The following C16orf46 variants were observed in gnomAD, a reference collection of about 807,000 sequenced individuals.
The protein encoded by C16orf46 is uncharacterized protein C16orf46.
A neutral mutation model predicts 5.5 loss-of-function variants in C16orf46; 7 were observed. The observed-to-expected ratio is 1.28, with a 90% CI of 0.73 to 2.40. The LOEUF is 2.40. C16orf46 is among the 30% of genes most tolerant of loss of function. The pLI is 0.00. For synonymous variants in C16orf46, 200 were observed against 184.1 expected (o/e 1.09, Z -0.70); for missense variants, 614 against 476.0 (o/e 1.29, Z -2.70).
At chr16:81,068,554 T>C (rs1164128057) in intron 1 of C16orf46, among the ~76,000 whole-genome samples, 1 of 128,938 alleles carries the variant, frequency 7.8e-6, no homozygotes, top group African/African-American at 2.8e-5. Flanking sequence ...AGGGCCTTTG[T>C]ATTTCTTTGT....
chr16:81,060,732 T>C (rs1354143561), downstream of C16orf46: 1 of 173,008 alleles, frequency 5.8e-6, no homozygotes, highest in African/African-American at 2.4e-5. Context: ...CCAGTATACT[T>C]AGTTTGAGGC....
downstream of C16orf46, among the ~76,000 whole-genome samples, chr16:81,056,751 G>A (rs1213767552): frequency 6.8e-6 from 1 of 146,360 alleles, no homozygotes; most frequent in Non-Finnish European, 1.5e-5. Flanking sequence ...CTTCTTTCTA[G>A]AAAGGACCTA....
Position 81,061,825 on chromosome 16 carries a change from C to CTAAT in C16orf46, c.523_524insATTA (p.Trp175TyrfsTer2). The CTAAT allele has an allele frequency of 6.2e-7, 1 of 1,613,888 alleles. No homozygotes were observed. The highest frequency in any genetic ancestry group is 2.2e-5 in the East Asian group (1 of 44,882). On this transcript the variant is annotated stop_gained and frameshift_variant, in exon 4 of 4. Coordinates refer to ENST00000299578, the MANE Select transcript of C16orf46 (RefSeq NM_152337.3). LOFTEE classifies it low-confidence loss of function (END_TRUNC). ...GCCCCTATTAGTGCCGGGGATGGCC[C>CTAAT]AGTCTTTGTTGCACCAAATAAACTC...
At chr16:81,072,445 G>A (rs1971888044) in intron 1 of C16orf46, among the ~76,000 whole-genome samples, 1 of 151,948 alleles carries the variant, frequency 6.6e-6, no homozygotes, top group East Asian at 1.9e-4. Context: ...GAGTGCAATG[G>A]TGCGATCTTA....
Position 81,061,613 on chromosome 16 carries a change from C to A in C16orf46, c.736G>T (p.Asp246Tyr). Reference sequence around the variant, plus strand: ...CCATATGCATAAGCCACACACCCATCCTTTTCCACATCCAGCACCTTCTCT... The same window carrying A: ...CCATATGCATAAGCCACACACCCATACTTTTCCACATCCAGCACCTTCTCT... ...SEEKVLDVEK[D>Y]GCVAYAYGLK... The change falls in exon 4 of 4, where the codon GAT becomes TAT. Residue 246 changes from aspartate (D) to tyrosine (Y), a missense_variant. Coordinates refer to ENST00000299578, the MANE Select transcript of C16orf46 (RefSeq NM_152337.3). 1 of 1,614,210 alleles carries A rather than the reference C, an allele frequency of 6.2e-7. No individual in the cohort carries two copies. Among genetic ancestry groups the A allele is most frequent in the South Asian group, 1.1e-5 (1 of 91,086 alleles).
Position 81,062,119 on chromosome 16 carries a change from G to A in C16orf46, c.230C>T (p.Thr77Ile). 6.3e-7 allele frequency: 1 copy of A among 1,594,866 alleles called. No individual in the cohort carries two copies. Among genetic ancestry groups the A allele is most frequent in the Non-Finnish European group, 8.5e-7 (1 of 1,175,358 alleles). ...WEEAVQGWGR[T>I]SPAACIWPRK... is the part of the protein sequence containing the mutation. ...CGGCCAGATGCAGGCAGCTGGAGAA[G>A]TCCTTCCCCACCCTTGGACCTGCAA... Residue 77 changes from threonine (T) to isoleucine (I), a missense_variant, in exon 4 of 4, where the codon ACT (threonine) becomes ATT (isoleucine). Coordinates refer to ENST00000299578, the MANE Select transcript of C16orf46 (RefSeq NM_152337.3).
chr16:81,075,938 G>A (rs999091758), intron 1 of C16orf46, among the ~76,000 whole-genome samples: 6 of 152,050 alleles, frequency 3.9e-5, no homozygotes, highest in Non-Finnish European at 1.5e-5. Flanking sequence ...TTATCACCTT[G>A]CCTCAACTTC....
At position 81,061,058 on chromosome 16, in the gene C16orf46, GAGAA is replaced by G. The variant is rs1971445990; in HGVS notation, c.*99_*102del. The stretch of plus-strand genomic sequence containing the variant: ...AGTAAAGACAGACTGACGGGGAGGA[GAGAA>G]AGAGAGAGTGGGGGGTGGGTGGGAA... On this transcript the variant is annotated 3_prime_UTR_variant, in exon 4 of 4. Transcript: ENST00000299578. 1.7e-6 allele frequency: 2 copies of G among 1,209,396 alleles called. No individual in the cohort carries two copies. Among genetic ancestry groups the G allele is most frequent in the African/African-American group, 1.5e-5 (1 of 65,836 alleles). The allele number at this position is 1,209,396 out of a possible 1,614,324, so 74.9% of individuals were successfully genotyped here.
chr16:81,063,563 C>A (rs1416908014), intron 3 of C16orf46, among the ~76,000 whole-genome samples, 183 bp downstream of exon 3: 1 of 152,174 alleles, frequency 6.6e-6, no homozygotes, highest in South Asian at 2.1e-4. Context: ...TACTAAGTGG[C>A]CATAAATACC....
At chr16:81,056,425 G>A (rs1971296376), downstream of C16orf46, 1 of 152,098 alleles carries the variant, frequency 6.6e-6, no homozygotes, top group Admixed American at 6.5e-5. Flanking sequence ...GCAGGGTGCG[G>A]TGGCTCACAC....
intron 1 of C16orf46, chr16:81,071,908 G>C (rs1971869211): frequency 6.6e-6 from 1 of 152,210 alleles, no homozygotes; most frequent in Admixed American, 6.5e-5. Context: ...CTACTTTGCA[G>C]CCTCTGTTGC....
intron 3 of C16orf46, among the ~76,000 whole-genome samples, chr16:81,054,599 C>T (rs1201737492): frequency 6.6e-6 from 1 of 151,760 alleles, no homozygotes; most frequent in Admixed American, 6.6e-5. Context: ...TCTTGGCGTC[C>T]CAAAGTGCTG....
chr16:81,059,827 C>T (rs374430532), downstream of C16orf46, among the ~76,000 whole-genome samples: 32 of 150,182 alleles, frequency 2.1e-4, 2 homozygotes, highest in East Asian at 4.9e-3. Context: ...CTCACTCTGT[C>T]GCCCAGGCTG....
chr16:81,064,593 C>T (rs917126130), intron 2 of C16orf46, among the ~76,000 whole-genome samples: 2 of 151,712 alleles, frequency 1.3e-5, no homozygotes, highest in African/African-American at 4.8e-5. Flanking sequence ...ACCAAAAATA[C>T]AAAATTAGCT....
chr16:81,053,929 C>T (rs1003599165), exon 4 of C16orf46: 5 of 847,980 alleles, frequency 5.9e-6, no homozygotes, highest in Middle Eastern at 4.5e-4. Flanking sequence ...GTGGCGTCTT[C>T]TTACTGCTTC....
Position 81,061,952 on chromosome 16 carries a change from T to A in C16orf46, c.397A>T (p.Thr133Ser). Residue 133 changes from threonine (T) to serine (S), a missense_variant, in exon 4 of 4, where the codon ACT becomes TCT. Transcript: ENST00000299578. ...PEKDQSSPSQ[T>S]QAAPQGPSTA... Reference sequence around the variant, plus strand: ...CTGGGGCCCTGGGGGGCTGCCTGAGTCTGGGAGGGGCTGCTCTGATCCTTC... The same window carrying A: ...CTGGGGCCCTGGGGGGCTGCCTGAGACTGGGAGGGGCTGCTCTGATCCTTC... The A allele has an allele frequency of 6.2e-7, 1 of 1,614,098 alleles. No homozygotes were observed. The highest frequency in any genetic ancestry group is 8.5e-7 in the Non-Finnish European group (1 of 1,180,010).
intron 1 of C16orf46, among the ~76,000 whole-genome samples, chr16:81,070,913 C>T (rs570206835): frequency 6.6e-6 from 1 of 152,252 alleles, no homozygotes; most frequent in African/African-American, 2.4e-5. Flanking sequence ...GGTTTATCAG[C>T]CTTTGGGGTC....
intron 1 of C16orf46, among the ~76,000 whole-genome samples, chr16:81,071,543 T>C (rs1251846532): frequency 6.6e-6 from 1 of 152,098 alleles, no homozygotes; most frequent in African/African-American, 2.4e-5. Context: ...GCTCAAGAAT[T>C]TGACAACAGC....
intron 1 of C16orf46, among the ~76,000 whole-genome samples, chr16:81,069,591 G>C (rs1029951251): frequency 2.0e-5 from 3 of 152,156 alleles, no homozygotes; most frequent in African/African-American, 7.2e-5. Context: ...ATCTCCAGGA[G>C]GAGTAAGAAG....
Sources: allele counts gnomAD v4.1 joint callset (sites outside exome capture counted in the v4.1 genomes callset), GRCh38; gene constraint gnomAD v4.1.1; transcripts MANE v1.5; gene names NCBI Gene and HGNC (gene_info 2026-07-23, HGNC 2026-07-21).